IZUMO2: variants seen among roughly 807,000 people sequenced by gnomAD.
IZUMO2 encodes IZUMO family member 2.
Under a neutral mutation model 31.2 loss-of-function variants are expected in IZUMO2, and 24 were observed. The ratio of observed to expected loss-of-function variants is 0.77; its 90% CI spans 0.56 to 1.08. The LOEUF (loss-of-function observed/expected upper bound fraction) is 1.08, where lower values mean the gene tolerates loss of function less well. Among genes scored for constraint, IZUMO2 ranks in the 50% least tolerant of loss-of-function variants. The probability of loss-of-function intolerance (pLI) is 0.00; values close to 1 mark genes in which losing one functional copy is unlikely to be tolerated. For missense variants in IZUMO2, 278 were observed against 274.0 expected (o/e 1.01, Z -0.10); for synonymous variants, 144 against 117.3 (o/e 1.23, Z -1.47).
At chr19:50,160,672 G>A (rs2030368254) in intron 2 of IZUMO2, 1 of 151,930 alleles carries the variant, frequency 6.6e-6, no homozygotes, top group Non-Finnish European at 1.5e-5. Flanking sequence ...TAGAGACGGG[G>A]TTTTACCATG....
chr19:50,159,102 G>A (rs891766746), intron 4 of IZUMO2, 128 bp downstream of exon 4: 21 of 868,860 alleles, frequency 2.4e-5, no homozygotes, highest in Admixed American at 4.1e-5. Context: ...ATCTCCCTAG[G>A]TACCATGGCT....
intron 3 of IZUMO2, 57 bp from the exon 4 acceptor site, chr19:50,159,307 T>C (rs2030317848): frequency 6.3e-7 from 1 of 1,578,780 alleles, no homozygotes; most frequent in East Asian, 2.2e-5. Context: ...GATAATTTAA[T>C]TGGAAAGGGA....
intron 4 of IZUMO2, 95 bp downstream of exon 4, chr19:50,159,135 T>C (rs911447163): frequency 1.0e-5 from 13 of 1,255,832 alleles, no homozygotes; most frequent in African/African-American, 2.9e-5. Context: ...AACTGCCAAA[T>C]GGAGTAAGGA....
intron 5 of IZUMO2, among the ~76,000 whole-genome samples, chr19:50,155,354 T>C (rs532706075): frequency 6.6e-6 from 1 of 152,154 alleles, no homozygotes; most frequent in Non-Finnish European, 1.5e-5. Flanking sequence ...GCCGTGACTG[T>C]GCCACTGCAC....
intron 6 of IZUMO2, 89 bp downstream of exon 6, chr19:50,154,511 G>C: frequency 7.6e-7 from 1 of 1,322,858 alleles, no homozygotes; most frequent in East Asian, 2.4e-5. Flanking sequence ...GACTCCCAAA[G>C]TACACAGTGA....
At position 50,163,268 on chromosome 19, in the gene IZUMO2, C is replaced by T; in HGVS notation, c.-74G>A. 1 of 1,103,034 alleles carries T rather than the reference C, an allele frequency of 9.1e-7. No individual in the cohort carries two copies. The highest frequency in any genetic ancestry group is 2.6e-5 in the East Asian group (1 of 38,914). 68.3% of individuals were successfully genotyped at this position (1,103,034 alleles called of 1,614,324 possible). A position where few individuals can be genotyped will look rare whatever the true frequency, so the allele number is the denominator to read the frequency against. ...CCAGGCGAGGGCGCGGTCAGGAGGC[C>T]CAGGGAGCATCACGGTGTTACAGGC... On this transcript the variant is annotated 5_prime_UTR_variant, in exon 1 of 7. Transcript: ENST00000293405.
In IZUMO2 at chr19:50,158,109, C is replaced by T. The variant is rs77183786; in HGVS notation, c.496+159G>A. ...TTAACAGATGGAGGAAAGTGAATTT[C>T]AGAATACAGGAGCAACTTCTGGGCC... On this transcript the variant is annotated intron_variant, in intron 5 of 6. Transcript: ENST00000293405. Among the ~76,000 whole-genome samples the T allele has an allele frequency of 4.5e-3, 678 of 152,056 alleles. 5 individuals are homozygous for T. The highest frequency in any genetic ancestry group is 0.016 in the African/African-American group (647 of 41,476).
chr19:50,156,532 C>T (rs977165266), intron 5 of IZUMO2, among the ~76,000 whole-genome samples: 1 of 151,850 alleles, frequency 6.6e-6, no homozygotes, highest in Non-Finnish European at 1.5e-5. Context: ...AGGAAGCAAA[C>T]AGGCAAATCC....
chr19:50,162,189 A>G (rs921916275), intron 2 of IZUMO2, among the ~76,000 whole-genome samples: 1 of 152,110 alleles, frequency 6.6e-6, no homozygotes, highest in African/African-American at 2.4e-5. Context: ...AGGCTGAGGC[A>G]GGAAAATCGC....
At chr19:50,156,394 A>G (rs1251911321) in intron 5 of IZUMO2, among the ~76,000 whole-genome samples, 1 of 152,158 alleles carries the variant, frequency 6.6e-6, no homozygotes, top group Non-Finnish European at 1.5e-5. Flanking sequence ...ACCCTAGTCT[A>G]ACCTCTGGCC....
At chr19:50,162,934 C>G in intron 1 of IZUMO2, 29 bp downstream of exon 1, 1 of 1,612,386 alleles carries the variant, frequency 6.2e-7, no homozygotes, top group South Asian at 1.1e-5. Flanking sequence ...CTCGCCCAGC[C>G]CCGCTGCCCA....
rs940993460 is a variant in IZUMO2, at chr19:50,162,803, T to C, written c.243A>G (p.Gln81=). The change falls in exon 2 of 7, where the codon CAA becomes CAG. Residue 81 remains glutamine (Q), a synonymous_variant. Coordinates refer to ENST00000293405, the MANE Select transcript of IZUMO2 (RefSeq NM_152358.3). ...NVFVGKVETN[Q]LDLVASFVKN... ...TGACAAAGGACGCCACAAGGTCCAG[T>C]TGATTTGTCTCTGGGGGGAGAAGGG... 1.2e-6 allele frequency: 2 copies of C among 1,613,566 alleles called. No homozygotes were observed. The highest frequency in any genetic ancestry group is 1.7e-5 in the Admixed American group (1 of 59,986).
Position 50,158,289 on chromosome 19 carries a change from T to C in IZUMO2, c.475A>G (p.Ile159Val). ...TTACCAAAGCAGTACTTTTTGTGGA[T>C]ACACTTGGGAGTGATCCTCTGGCAA... ...LHCQRITPKC[I>V]HKKYCFVDRQ... is the part of the protein sequence containing the mutation. Residue 159 changes from isoleucine (I) to valine (V), a missense_variant, in exon 5 of 7, where the codon ATC (isoleucine) becomes GTC (valine). Ile to Val is a conservative substitution (Grantham distance 29). Coordinates refer to ENST00000293405, the MANE Select transcript of IZUMO2 (RefSeq NM_152358.3). 6.2e-7 allele frequency: 1 copy of C among 1,610,190 alleles called. No individual in the cohort carries two copies. Among genetic ancestry groups the C allele is most frequent in the Non-Finnish European group, 8.5e-7 (1 of 1,177,892 alleles).
rs185066504 is a variant in IZUMO2, at chr19:50,158,339, T to G, written c.425A>C (p.Lys142Thr). 1,984 of 1,609,414 alleles carry G rather than the reference T, an allele frequency of 1.2e-3. 4 individuals are homozygous for G. The highest frequency in any genetic ancestry group is 1.6e-3 in the Non-Finnish European group (1,867 of 1,177,002). Residue 142 changes from lysine to threonine, a missense_variant, in exon 5 of 7, where the codon AAA becomes ACA. By Grantham distance (78) the Lys-to-Thr change is moderately conservative. Transcript: ENST00000293405. ...ACNPKLCRLL[K>T]EEVLDCLHCQ... ...ATGTAAACAGTCCAACACCTCTTCT[T>G]TTAGCAAGCCTAGGCAAGGGGAAAG...
At chr19:50,162,593 C>T in intron 2 of IZUMO2, 146 bp downstream of exon 2, 3 of 662,348 alleles carry the variant, frequency 4.5e-6, no homozygotes, top group Admixed American at 2.6e-5. Flanking sequence ...CCAGCCGGAG[C>T]GACAGTGAGG....
At chr19:50,159,341 G>A in intron 3 of IZUMO2, 91 bp from the exon 4 acceptor site, 2 of 1,411,538 alleles carry the variant, frequency 1.4e-6, no homozygotes, top group Non-Finnish European at 2.0e-6. Context: ...TAAGGGGTGA[G>A]GCTGGGAAAG....
chr19:50,158,602 GT>G (rs1200837191), intron 4 of IZUMO2, among the ~76,000 whole-genome samples: 1 of 152,176 alleles, frequency 6.6e-6, no homozygotes, highest in African/African-American at 2.4e-5. Flanking sequence ...TTAAACATTT[GT>G]TAATTCTGAG....
At chr19:50,158,606 A>G (rs2030293152) in intron 4 of IZUMO2, among the ~76,000 whole-genome samples, 1 of 152,224 alleles carries the variant, frequency 6.6e-6, no homozygotes, top group Admixed American at 6.5e-5. Flanking sequence ...ACATTTGTTA[A>G]TTCTGAGTTT....
chr19:50,160,379 G>T (rs774473046), intron 2 of IZUMO2: 3 of 152,040 alleles, frequency 2.0e-5, no homozygotes, highest in Non-Finnish European at 4.4e-5. Flanking sequence ...TATGTGGATT[G>T]CATGCTGAAA....
Sources: allele counts gnomAD v4.1 joint callset (sites outside exome capture counted in the v4.1 genomes callset), GRCh38; gene constraint gnomAD v4.1.1; transcripts MANE v1.5; gene names NCBI Gene and HGNC (gene_info 2026-07-23, HGNC 2026-07-21).